PTK2: variants seen among roughly 807,000 people sequenced by gnomAD.
PTK2 encodes focal adhesion kinase 1.
In PTK2, 45 loss-of-function variants were observed where a neutral mutation model predicts 150.1. The ratio of observed to expected loss-of-function variants is 0.30; its 90% CI spans 0.24 to 0.38. The LOEUF (loss-of-function observed/expected upper bound fraction) is 0.38. Ranked by LOEUF, PTK2 falls within the 10% of genes least tolerant of loss-of-function variation. The probability of loss-of-function intolerance (pLI) is 1.00; values close to 1 mark genes in which losing one functional copy is unlikely to be tolerated. For synonymous variants in PTK2, 432 were observed against 449.2 expected (o/e 0.96, Z 0.48); for missense variants, 919 against 1,307.3 (o/e 0.70, Z 4.58).
intron 16 of PTK2, among the ~76,000 whole-genome samples, chr8:140,752,598 G>C (rs906126834): frequency 9.2e-5 from 14 of 152,284 alleles, no homozygotes; most frequent in Middle Eastern, 3.4e-3. Context: ...TAAGTGCTTG[G>C]GATACACTGA....
At chr8:140,681,737 A>G (rs182151627) in intron 27 of PTK2, among the ~76,000 whole-genome samples, 209 of 152,310 alleles carry the variant, frequency 1.4e-3, no homozygotes, top group African/African-American at 4.9e-3. Context: ...AGATCGCGCC[A>G]CTGCACTCCA....
chr8:140,877,856 C>T (rs957242566), intron 4 of PTK2, among the ~76,000 whole-genome samples: 10 of 152,088 alleles, frequency 6.6e-5, no homozygotes, highest in Non-Finnish European at 1.3e-4. Context: ...AGAACAACAA[C>T]AATCTACTAA....
At chr8:140,984,020 T>G (rs377641219) in intron 1 of PTK2, 4 of 152,256 alleles carry the variant, frequency 2.6e-5, no homozygotes, top group East Asian at 1.9e-4. Flanking sequence ...CCGGGTGTGG[T>G]GGCATGTGCC....
chr8:140,900,457 C>T (rs1228847915), intron 2 of PTK2, among the ~76,000 whole-genome samples: 1 of 152,154 alleles, frequency 6.6e-6, no homozygotes, highest in Non-Finnish European at 1.5e-5. Context: ...TGTGGTGGCT[C>T]ATGCCTGTAA....
chr8:140,751,495 TTTC>T (rs904313462), intron 17 of PTK2, among the ~76,000 whole-genome samples: 6 of 151,476 alleles, frequency 4.0e-5, no homozygotes, highest in African/African-American at 1.5e-4. Context: ...TTTTTCTTTC[TTTC>T]TTTTTTTTTT....
chr8:140,743,665 G>T (rs1385623178), intron 19 of PTK2, among the ~76,000 whole-genome samples: 1 of 151,800 alleles, frequency 6.6e-6, no homozygotes, highest in Non-Finnish European at 1.5e-5. Context: ...ATACAACTGG[G>T]GCCTATAACA....
At chr8:140,887,844 T>C (rs747652610) in intron 3 of PTK2, among the ~76,000 whole-genome samples, 6 of 152,222 alleles carry the variant, frequency 3.9e-5, no homozygotes, top group African/African-American at 7.2e-5. Flanking sequence ...AAATGTGGTA[T>C]ATATTTTTAT....
intron 22 of PTK2, 142 bp downstream of exon 25, chr8:140,735,109 T>C: frequency 2.6e-6 from 2 of 755,266 alleles, no homozygotes. Flanking sequence ...TGCAAATCAA[T>C]TTTAAAAGTA....
intron 2 of PTK2, chr8:140,921,181 A>G (rs1040805097): frequency 3.5e-6 from 4 of 1,129,296 alleles, no homozygotes; most frequent in Non-Finnish European, 4.4e-6. Flanking sequence ...ACAGAATGAA[A>G]CCAGCTTAGT....
At chr8:140,972,237 C>T (rs1569526093) in intron 1 of PTK2, among the ~76,000 whole-genome samples, 1 of 152,028 alleles carries the variant, frequency 6.6e-6, no homozygotes, top group African/African-American at 2.4e-5. Flanking sequence ...TAATTATGCT[C>T]AATTGTTTTT....
At chr8:140,697,136 GGAAAAAAAA>G (rs1392135761) in intron 26 of PTK2, among the ~76,000 whole-genome samples, 7 of 43,326 alleles carry the variant, frequency 1.6e-4, no homozygotes, top group African/African-American at 5.3e-4. Flanking sequence ...CCTGTTTCCG[GGAAAAAAAA>G]AAAAAAAAAA....
intron 24 of PTK2, 114 bp from the exon 28 acceptor site, chr8:140,702,821 C>T (rs1001257398): frequency 1.7e-6 from 2 of 1,182,654 alleles, no homozygotes; most frequent in East Asian, 2.6e-5. Context: ...AGAATTATGG[C>T]CCCCCAAAGA....
At chr8:140,764,181 G>T (rs2100070959) in intron 15 of PTK2, 53 bp downstream of exon 17, 1 of 1,407,132 alleles carries the variant, frequency 7.1e-7, no homozygotes. Flanking sequence ...ACTTTTAAAT[G>T]CAAGGAGGCA....
At chr8:140,884,966 T>C (rs1324405490) in intron 3 of PTK2, among the ~76,000 whole-genome samples, 1 of 152,222 alleles carries the variant, frequency 6.6e-6, no homozygotes, top group Non-Finnish European at 1.5e-5. Context: ...GAGGATATGC[T>C]ATTTATTTAG....
At chr8:140,687,746 G>C (rs771793591) in intron 26 of PTK2, among the ~76,000 whole-genome samples, 1 of 152,128 alleles carries the variant, frequency 6.6e-6, no homozygotes, top group Non-Finnish European at 1.5e-5. Flanking sequence ...TAATCAAAGC[G>C]GGGTCAGTCG....
rs2100056758 is a variant in PTK2, at chr8:140,743,321, A to T, written c.1644T>A (p.Ala548=). 1.9e-6 allele frequency: 3 copies of T among 1,612,654 alleles called. No individual in the cohort carries two copies. In the East Asian group the frequency reaches 6.7e-5, roughly 36 times the overall value. The stretch of plus-strand genomic sequence containing the variant: ...TTGAGGACACCAGAACATTCCGAGC[A>T]GCAATGTCCCTGATAAAGAAGAATT... Residue 548 remains alanine, a synonymous_variant, in exon 20 of 32, where the codon GCT becomes GCA. Transcript: ENST00000522684.
At chr8:140,804,423 C>CA (rs1363189043) in intron 10 of PTK2, among the ~76,000 whole-genome samples, 4 of 148,458 alleles carry the variant, frequency 2.7e-5, no homozygotes, top group East Asian at 2.0e-4. Flanking sequence ...CTTTCTCTAC[C>CA]AAAAGAAAAA....
Position 140,767,499 on chromosome 8 carries a change from T to A in PTK2, c.1178-3209A>T, listed in dbSNP as rs2100073008. Among the ~76,000 whole-genome samples the A allele has an allele frequency of 2.0e-5, 3 of 152,194 alleles. 1 individual carries two copies. Among genetic ancestry groups the A allele is most frequent in the Admixed American group, 2.0e-4 (3 of 15,278 alleles). On this transcript the variant is annotated intron_variant, in intron 14 of 31. Transcript: ENST00000522684. Reference sequence around the variant, plus strand: ...TGTATATTTCTAAGAATTCCTTTTTTTTTGAAGACAGGTTCTTGCTCTGTC... The same window carrying A: ...TGTATATTTCTAAGAATTCCTTTTTATTTGAAGACAGGTTCTTGCTCTGTC...
intron 2 of PTK2, among the ~76,000 whole-genome samples, chr8:140,911,403 G>GT (rs762273993): frequency 4.6e-5 from 7 of 151,818 alleles, no homozygotes; most frequent in Non-Finnish European, 8.8e-5. Flanking sequence ...TCTTTTCACT[G>GT]TTTTTTTAAG....
Sources: allele counts gnomAD v4.1 joint callset (sites outside exome capture counted in the v4.1 genomes callset), GRCh38; gene constraint gnomAD v4.1.1; transcripts MANE v1.5; gene names NCBI Gene and HGNC (gene_info 2026-07-23, HGNC 2026-07-21).